RRP15: variants seen among roughly 807,000 people sequenced by gnomAD.
The protein encoded by RRP15 is RRP15-like protein.
In RRP15, 18 loss-of-function variants were observed where a neutral mutation model predicts 27.1. That is an observed-to-expected ratio of 0.66 (90% CI 0.46 to 0.98). The LOEUF is 0.98. Ranked by LOEUF, RRP15 falls within the 50% of genes least tolerant of loss-of-function variation. The pLI is 0.00. For synonymous variants in RRP15, 107 were observed against 109.4 expected (o/e 0.98, Z 0.14); for missense variants, 359 against 337.8 (o/e 1.06, Z -0.49).
Position 218,302,395 on chromosome 1 carries a change from G to C in RRP15, c.241G>C (p.Asp81His). 1 of 1,614,092 alleles carries C rather than the reference G, an allele frequency of 6.2e-7. No individual in the cohort carries two copies. Among genetic ancestry groups the C allele is most frequent in the Non-Finnish European group, 8.5e-7 (1 of 1,179,984 alleles). Residue 81 changes from aspartate to histidine, a missense_variant, in exon 2 of 5, where the codon GAT becomes CAT. By Grantham distance (81) the Asp-to-His change is moderately conservative. Transcript: ENST00000366932. ...AEPCDKENEN[D>H]GESSVGTNMG... Reference sequence around the variant, plus strand: ...GCCCTGTGACAAAGAAAATGAAAATGATGGAGAATCAAGTGTTGGGACTAA... The same window carrying C: ...GCCCTGTGACAAAGAAAATGAAAATCATGGAGAATCAAGTGTTGGGACTAA...
At chr1:218,321,543 A>C in intron 4 of RRP15, among the ~76,000 whole-genome samples, 1 of 152,358 alleles carries the variant, frequency 6.6e-6, no homozygotes, top group East Asian at 1.9e-4. Context: ...TCTTATAGCT[A>C]TAACCAGTTA....
rs1655713000 is a variant in RRP15, at chr1:218,296,008, A to G, written c.140-6286A>G. ...GTGGCATGAGCAGAACAGATGATTTACAGCTGAATGGGGAGCAGTAGTTTT... is the reference window on the plus strand; with the variant it reads ...GTGGCATGAGCAGAACAGATGATTTGCAGCTGAATGGGGAGCAGTAGTTTT... On this transcript the variant is annotated intron_variant, in intron 1 of 4. Transcript: ENST00000366932. Among the ~76,000 whole-genome samples the G allele has an allele frequency of 2.0e-5, 3 of 152,266 alleles. No individual in the cohort carries two copies. In the South Asian group the frequency reaches 6.2e-4, roughly 32 times the overall value.
rs556573359 is a variant in RRP15 at position 218,309,480 on chromosome 1, C to T, written c.705+1848C>T. On this transcript the variant is annotated intron_variant, in intron 4 of 4. Transcript: ENST00000366932. The stretch of plus-strand genomic sequence containing the variant: ...TGGGCGGATCACGAGGTCAGGAGTT[C>T]GAGACCAGCCTGGCCAACATGGTGA... 4.7e-4 allele frequency among the ~76,000 whole-genome samples: 71 copies of T among 151,970 alleles called. No homozygotes were observed. The South Asian group carries it at 0.011, about 23-fold the overall frequency.
chr1:218,326,981 C>A (rs1286177747), intron 4 of RRP15, among the ~76,000 whole-genome samples: 1 of 152,192 alleles, frequency 6.6e-6, no homozygotes, highest in African/African-American at 2.4e-5. Context: ...GTTTCTTTTG[C>A]AGATTCTGCA....
intron 2 of RRP15, 84 bp from the exon 3 acceptor site, chr1:218,304,944 C>T (rs745475750): frequency 2.4e-6 from 3 of 1,242,288 alleles, no homozygotes; most frequent in Non-Finnish European, 3.5e-6. Flanking sequence ...ATTACCTTCA[C>T]CCTTTCACAG....
chr1:218,286,587 C>A (rs1408234062), intron 1 of RRP15, among the ~76,000 whole-genome samples: 1 of 152,154 alleles, frequency 6.6e-6, no homozygotes, highest in African/African-American at 2.4e-5. Flanking sequence ...CTGCCCAAAC[C>A]ATTTGATGTA....
chr1:218,295,374 C>T (rs894557746), intron 1 of RRP15, among the ~76,000 whole-genome samples: 1 of 152,154 alleles, frequency 6.6e-6, no homozygotes, highest in Non-Finnish European at 1.5e-5. Context: ...TTGATTGTTA[C>T]TCGGGGCTGT....
chr1:218,330,213 T>C (rs1381601387), intron 4 of RRP15, among the ~76,000 whole-genome samples: 1 of 152,190 alleles, frequency 6.6e-6, no homozygotes, highest in East Asian at 1.9e-4. Context: ...TCTATTGTAT[T>C]ACTTAATTGA....
intron 1 of RRP15, among the ~76,000 whole-genome samples, chr1:218,291,757 C>G (rs1655646026): frequency 2.0e-5 from 3 of 151,962 alleles, no homozygotes; most frequent in African/African-American, 7.2e-5. Context: ...GTCTGGATCT[C>G]TTGACCTCAT....
At chr1:218,320,032 T>TA (rs1295895783) in intron 4 of RRP15, among the ~76,000 whole-genome samples, 1 of 148,982 alleles carries the variant, frequency 6.7e-6, no homozygotes, top group Non-Finnish European at 1.5e-5. Context: ...TTTTTTTTTT[T>TA]ACTATGTTTT....
intron 4 of RRP15, among the ~76,000 whole-genome samples, chr1:218,315,004 A>G (rs1656064699): frequency 7.0e-6 from 1 of 142,226 alleles, no homozygotes; most frequent in African/African-American, 3.1e-5. Context: ...AAAAAAAAAA[A>G]AAAAAGAAAG....
At chr1:218,318,849 C>T (rs1410842682) in intron 4 of RRP15, among the ~76,000 whole-genome samples, 3 of 151,728 alleles carry the variant, frequency 2.0e-5, no homozygotes, top group Non-Finnish European at 2.9e-5. Flanking sequence ...CATCTTTTGC[C>T]TTTTACCATC....
intron 3 of RRP15, among the ~76,000 whole-genome samples, chr1:218,306,500 G>T (rs764469445): frequency 6.6e-6 from 1 of 152,078 alleles, no homozygotes; most frequent in Non-Finnish European, 1.5e-5. Flanking sequence ...GCAGTCAGGT[G>T]CATTCATTCT....
At position 218,301,004 on chromosome 1, in the gene RRP15, T is replaced by G. The variant is rs554722543; in HGVS notation, c.140-1290T>G. Among the ~76,000 whole-genome samples, 19 of 152,324 alleles carry G rather than the reference T, an allele frequency of 1.2e-4. No homozygotes were observed. The South Asian group carries it at 3.7e-3, about 30-fold the overall frequency. On this transcript the variant is annotated intron_variant, in intron 1 of 4. Coordinates refer to ENST00000366932, the MANE Select transcript of RRP15 (RefSeq NM_016052.4). ...AGTGTTAAATAGTATTTTATCTTAATGCAAGTATATCAATATTTAAAAAAA... is the reference window on the plus strand; with the variant it reads ...AGTGTTAAATAGTATTTTATCTTAAGGCAAGTATATCAATATTTAAAAAAA...
chr1:218,315,924 T>C (rs1263902643), intron 4 of RRP15, among the ~76,000 whole-genome samples: 2 of 152,214 alleles, frequency 1.3e-5, no homozygotes, highest in African/African-American at 2.4e-5. Flanking sequence ...TTCAGCTTAA[T>C]GTTTGTTTAC....
intron 4 of RRP15, among the ~76,000 whole-genome samples, chr1:218,325,105 C>T (rs372318031): frequency 6.6e-6 from 1 of 152,236 alleles, no homozygotes; most frequent in East Asian, 1.9e-4. Context: ...TTGGTTCACT[C>T]TCACTCTTTT....
Position 218,320,079 on chromosome 1 carries a change from C to T in RRP15, c.706-10869C>T, listed in dbSNP as rs545057261. ...TTTCTTTTATTTTATTATTATTATA[C>T]TTTAAGTTTTAGGGTACATGTGCAC... On this transcript the variant is annotated intron_variant, in intron 4 of 4. Transcript: ENST00000366932. Among the ~76,000 whole-genome samples, 8 of 135,370 alleles carry T rather than the reference C, an allele frequency of 5.9e-5. No individual in the cohort carries two copies. In the South Asian group the frequency reaches 1.8e-3, roughly 31 times the overall value. 88.8% of individuals were successfully genotyped at this position (135,370 alleles called of 152,430 possible). A position where few individuals can be genotyped will look rare whatever the true frequency, so the allele number is the denominator to read the frequency against.
chr1:218,315,670 C>T (rs865947456), intron 4 of RRP15, among the ~76,000 whole-genome samples: 32 of 149,156 alleles, frequency 2.1e-4, no homozygotes, highest in Middle Eastern at 3.5e-3. Context: ...CCAGGCTGGT[C>T]TCCTCGAACT....
At chr1:218,312,271 CTTTCTTT>C (rs1656005875) in intron 4 of RRP15, among the ~76,000 whole-genome samples, 1 of 147,306 alleles carries the variant, frequency 6.8e-6, no homozygotes, top group Non-Finnish European at 1.5e-5. Context: ...TTTTTTCTTT[CTTTCTTT>C]TTTCTTTTTT....
Sources: allele counts gnomAD v4.1 joint callset (sites outside exome capture counted in the v4.1 genomes callset), GRCh38; gene constraint gnomAD v4.1.1; transcripts MANE v1.5; gene names NCBI Gene and HGNC (gene_info 2026-07-23, HGNC 2026-07-21).